LARP1: variants seen among roughly 807,000 people sequenced by gnomAD.
The protein encoded by LARP1 is La ribonucleoprotein 1, translational regulator.
A neutral mutation model predicts 122.7 loss-of-function variants in LARP1; 36 were observed. The observed-to-expected ratio is 0.29, with a 90% CI of 0.22 to 0.39. LARP1 has a LOEUF of 0.39. Among genes scored for constraint, LARP1 ranks in the 10% least tolerant of loss-of-function variants. LARP1 has a pLI of 1.00. For missense variants in LARP1, 1,040 were observed against 1,403.6 expected, an observed-to-expected ratio of 0.74 and a Z score of 4.14; for synonymous variants, 539 against 528.7, an observed-to-expected ratio of 1.02 and a Z score of -0.27.
intron 1 of LARP1, among the ~76,000 whole-genome samples, chr5:154,698,726 A>G (rs567518936): frequency 6.6e-6 from 1 of 152,362 alleles, no homozygotes; most frequent in Middle Eastern, 3.4e-3. Context: ...ATCTCGGTAA[A>G]GCTGAAGAAA....
chr5:154,798,911 C>G (rs1758107478), intron 8 of LARP1, among the ~76,000 whole-genome samples: 1 of 152,256 alleles, frequency 6.6e-6, no homozygotes, highest in African/African-American at 2.4e-5. Context: ...GTCGCCCAGG[C>G]TGGAGTGCAG....
At chr5:154,697,481 T>C (rs2113232061) in intron 1 of LARP1, among the ~76,000 whole-genome samples, 1 of 152,340 alleles carries the variant, frequency 6.6e-6, no homozygotes, top group East Asian at 1.9e-4. Context: ...AGCAGCATTA[T>C]TCATAATAGC....
Position 154,790,344 on chromosome 5 carries a change from G to T in LARP1, c.456G>T (p.Lys152Asn). ...QSPPEHSAPA[K>N]VVRAAVPKQR... ...CCACAGAACACTCTGCTCCAGCCAA[G>T]GTGGTGAGGGCAGCTGTTCCTAAAC... The change falls in exon 2 of 19, where the codon AAG becomes AAT. Residue 152 changes from lysine (K) to asparagine (N), a missense_variant. Physicochemically the swap from Lys to Asn is moderately conservative, Grantham distance 94. Around this residue, in one of 8 missense-constraint regions of LARP1, gnomAD observed 257 missense variants for 273.3 expected, o/e 0.94. Coordinates refer to ENST00000518297, the MANE Select transcript of LARP1 (RefSeq NM_033551.3). The T allele has an allele frequency of 6.2e-7, 1 of 1,613,702 alleles. No individual in the cohort carries two copies. Among genetic ancestry groups the T allele is most frequent in the Non-Finnish European group, 8.5e-7 (1 of 1,179,814 alleles).
intron 1 of LARP1, among the ~76,000 whole-genome samples, chr5:154,748,328 C>T (rs377737255): frequency 6.6e-6 from 1 of 152,184 alleles, no homozygotes; most frequent in Non-Finnish European, 1.5e-5. Context: ...AGACTGAGGG[C>T]TTGTTCTGTT....
At chr5:154,744,917 G>A (rs1753104701) in intron 1 of LARP1, among the ~76,000 whole-genome samples, 2 of 142,288 alleles carry the variant, frequency 1.4e-5, no homozygotes, top group Non-Finnish European at 3.0e-5. Context: ...GATTACAGGC[G>A]TGAGCCACCG....
chr5:154,761,981 C>G (rs1754488702), intron 1 of LARP1, among the ~76,000 whole-genome samples: 4 of 152,160 alleles, frequency 2.6e-5, no homozygotes, highest in Admixed American at 2.6e-4. Context: ...GGGGTTCACA[C>G]CTGTAATCCT....
At chr5:154,742,022 T>C (rs1239470992) in intron 1 of LARP1, among the ~76,000 whole-genome samples, 1 of 152,200 alleles carries the variant, frequency 6.6e-6, no homozygotes, top group African/African-American at 2.4e-5. Flanking sequence ...CCTAGAGATA[T>C]GTCTCAAATA....
intron 1 of LARP1, among the ~76,000 whole-genome samples, chr5:154,713,929 G>A (rs545077452): frequency 6.6e-6 from 1 of 152,346 alleles, no homozygotes; most frequent in Admixed American, 6.5e-5. Flanking sequence ...ATGGGAACAG[G>A]TAGGTATGAA....
chr5:154,814,216 G>C lies in LARP1; in HGVS notation c.*120G>C, dbSNP rs1759514507. 1.3e-5 allele frequency: 13 copies of C among 1,034,388 alleles called. No individual in the cohort carries two copies. The highest frequency in any genetic ancestry group is 1.9e-5 in the Non-Finnish European group (13 of 696,544). 64.1% of individuals were successfully genotyped at this position (1,034,388 alleles called of 1,614,324 possible). ...GACAGGCCTGGAGTTACTAGGACAG[G>C]CCTTTGTGCTGAGTAGCAATGTATA... On this transcript the variant is annotated 3_prime_UTR_variant, in exon 19 of 19. Coordinates refer to ENST00000518297, the MANE Select transcript of LARP1 (RefSeq NM_033551.3).
At chr5:154,698,955 G>C (rs1754593763) in intron 1 of LARP1, among the ~76,000 whole-genome samples, 1 of 152,174 alleles carries the variant, frequency 6.6e-6, no homozygotes, top group African/African-American at 2.4e-5. Context: ...AATTCCTGAG[G>C]TTGTCAGTGC....
At chr5:154,804,100 A>G (rs1477981604) in intron 13 of LARP1, 101 bp from the exon 14 acceptor site, 1 of 857,376 alleles carries the variant, frequency 1.2e-6, no homozygotes, top group Non-Finnish European at 2.0e-6. Context: ...ATGCTGTTGT[A>G]AAATGTGAGA....
At chr5:154,752,358 T>C (rs1753547349), upstream of LARP1, among the ~76,000 whole-genome samples, 1 of 152,138 alleles carries the variant, frequency 6.6e-6, no homozygotes, top group Admixed American at 6.5e-5. Context: ...TTTTCATGCC[T>C]CAGCCTCCTG....
At chr5:154,777,348 TAA>T (rs60485690) in intron 1 of LARP1, among the ~76,000 whole-genome samples, 9 of 137,180 alleles carry the variant, frequency 6.6e-5, no homozygotes, top group Admixed American at 1.5e-4. Context: ...CCATCTCTGC[TAA>T]AAAAAAAAAA....
chr5:154,703,036 G>T lies in LARP1; in HGVS notation c.-180+19999G>T, dbSNP rs569276769. ...CTCAGGAGGCTGAGGCAGGAGAATC[G>T]CTTGAACCCGGGAGGTGGAGGTTGC... On this transcript the variant is annotated intron_variant, in intron 1 of 18. Transcript: ENST00000687700. Among the ~76,000 whole-genome samples the T allele has an allele frequency of 4.1e-5, 6 of 146,700 alleles. No individual in the cohort carries two copies. The South Asian group carries it at 1.3e-3, about 32-fold the overall frequency.
At chr5:154,712,424 C>T (rs571584660), upstream of LARP1, among the ~76,000 whole-genome samples, 1 of 152,266 alleles carries the variant, frequency 6.6e-6, no homozygotes, top group East Asian at 1.9e-4. Flanking sequence ...GTCGACCTTC[C>T]TTGCAAGGGC....
intron 1 of LARP1, among the ~76,000 whole-genome samples, chr5:154,683,603 T>A (rs1753791391): frequency 2.0e-5 from 3 of 152,182 alleles, no homozygotes; most frequent in Non-Finnish European, 4.4e-5. Context: ...ACTTCCTTTG[T>A]GTTTCCTGCC....
chr5:154,735,521 T>C (rs930732973), intron 1 of LARP1, among the ~76,000 whole-genome samples: 1 of 151,228 alleles, frequency 6.6e-6, no homozygotes, highest in African/African-American at 2.4e-5. Flanking sequence ...CTGGATCATA[T>C]GGTAGTTCCA....
In LARP1 at chr5:154,756,090, G is replaced by C; in HGVS notation, c.333G>C (p.Ala111=). The part of the protein sequence containing the change: ...AGGGAAGAAG[A]GRRDFVEAPP... ...GAGGAGCTGCCGGAGCCGCGGGCGC[G>C]GGGCGCCGGGACTTCGTGGAAGCCC... Residue 111 remains alanine, a synonymous_variant, in exon 1 of 19, where the codon GCG becomes GCC. Coordinates refer to ENST00000518297, the MANE Select transcript of LARP1 (RefSeq NM_033551.3). The C allele has an allele frequency of 1.7e-6, 2 of 1,171,060 alleles. No homozygotes were observed. 72.5% of individuals were successfully genotyped at this position (1,171,060 alleles called of 1,614,324 possible).
intron 1 of LARP1, among the ~76,000 whole-genome samples, chr5:154,771,787 C>T (rs188582074): frequency 3.9e-5 from 6 of 152,250 alleles, no homozygotes; most frequent in Admixed American, 2.6e-4. Context: ...TCAGCTCTGC[C>T]GGGCCACATG....
Sources: gnomAD v4.1 joint callset for allele counts (sites outside exome capture counted in the v4.1 genomes callset) on GRCh38, gnomAD v4.1.1 for gene constraint, gnomAD v4.1.1 regional missense constraint, MANE v1.5 for transcripts, NCBI Gene and HGNC (gene_info 2026-07-23, HGNC 2026-07-21) for gene names.